The following ARMH3 variants were observed in gnomAD, a reference collection of about 807,000 sequenced individuals.
The protein encoded by ARMH3 is armadillo-like helical domain-containing protein 3.
A neutral mutation model predicts 99.1 loss-of-function variants in ARMH3; 60 were observed. The ratio of observed to expected loss-of-function variants is 0.61; its 90% CI spans 0.49 to 0.75. ARMH3 has a LOEUF of 0.75. Ranked by LOEUF, ARMH3 falls within the 30% of genes least tolerant of loss-of-function variation. ARMH3 has a pLI of 0.00. For synonymous variants in ARMH3, 285 were observed against 292.8 expected (o/e 0.97, Z 0.27); for missense variants, 679 against 843.1 (o/e 0.81, Z 2.41).
chr10:101,921,627 A>G (rs1450581304), intron 23 of ARMH3, among the ~76,000 whole-genome samples: 7 of 152,212 alleles, frequency 4.6e-5, no homozygotes. Context: ...TGGTATATAC[A>G]CATGATGGAA....
At chr10:101,990,119 C>T (rs1846713299) in intron 19 of ARMH3, among the ~76,000 whole-genome samples, 1 of 152,092 alleles carries the variant, frequency 6.6e-6, no homozygotes, top group African/African-American at 2.4e-5. Flanking sequence ...GAAAATGTTC[C>T]CTAACACTTC....
At chr10:101,937,451 G>A (rs930469829) in intron 23 of ARMH3, among the ~76,000 whole-genome samples, 19 of 151,598 alleles carry the variant, frequency 1.3e-4, no homozygotes, top group African/African-American at 3.2e-4. Flanking sequence ...CCTGGGAAGC[G>A]GAGGCTGCAG....
chr10:101,922,544 C>A (rs138068133), intron 23 of ARMH3, among the ~76,000 whole-genome samples: 84 of 152,266 alleles, frequency 5.5e-4, no homozygotes, highest in African/African-American at 1.8e-3. Flanking sequence ...AATACAGCCA[C>A]CGTGCCCAGC....
intron 24 of ARMH3, among the ~76,000 whole-genome samples, chr10:101,874,669 A>T (rs1015972162): frequency 1.3e-5 from 2 of 152,176 alleles, no homozygotes; most frequent in African/African-American, 2.4e-5. Flanking sequence ...ATTACTAAGG[A>T]CACCTAACGA....
At chr10:101,889,058 T>C (rs1041060321) in intron 24 of ARMH3, among the ~76,000 whole-genome samples, 4 of 152,222 alleles carry the variant, frequency 2.6e-5, no homozygotes, top group Admixed American at 1.3e-4. Flanking sequence ...GTTTTTCTAA[T>C]TGGCAGTTTC....
At chr10:101,981,139 C>T (rs1168515629) in intron 19 of ARMH3, among the ~76,000 whole-genome samples, 1 of 151,088 alleles carries the variant, frequency 6.6e-6, no homozygotes, top group Non-Finnish European at 1.5e-5. Flanking sequence ...AACAAACCTG[C>T]ACATTCTGCA....
intron 22 of ARMH3, among the ~76,000 whole-genome samples, chr10:101,941,259 C>A (rs1844228454): frequency 6.6e-6 from 1 of 152,166 alleles, no homozygotes; most frequent in African/African-American, 2.4e-5. Flanking sequence ...ACAGCAATAC[C>A]TATATGAAAG....
chr10:102,029,830 T>G, intron 4 of ARMH3, 85 bp from the exon 5 acceptor site: 1 of 1,251,486 alleles, frequency 8.0e-7, no homozygotes, highest in Non-Finnish European at 1.1e-6. Flanking sequence ...CTTACACAGC[T>G]GACACTGAAT....
intron 23 of ARMH3, among the ~76,000 whole-genome samples, chr10:101,894,061 T>C (rs149135356): frequency 1.3e-5 from 2 of 152,272 alleles, no homozygotes; most frequent in East Asian, 3.9e-4. Flanking sequence ...TGAGAAACTG[T>C]TTAGAAACCT....
intron 23 of ARMH3, among the ~76,000 whole-genome samples, chr10:101,919,812 C>A (rs1031452795): frequency 1.3e-5 from 2 of 152,168 alleles, no homozygotes; most frequent in Non-Finnish European, 2.9e-5. Flanking sequence ...TTCCTTCAAA[C>A]CTTTTACTCT....
intron 19 of ARMH3, among the ~76,000 whole-genome samples, chr10:101,981,067 G>A (rs940385975): frequency 1.3e-5 from 2 of 151,928 alleles, no homozygotes; most frequent in African/African-American, 4.8e-5. Context: ...TGGGGGGTTG[G>A]GGGGTGAGGG....
intron 24 of ARMH3, among the ~76,000 whole-genome samples, chr10:101,877,869 C>G (rs777775042): frequency 1.3e-4 from 20 of 152,082 alleles, no homozygotes; most frequent in Non-Finnish European, 2.2e-4. Flanking sequence ...CTGCCAGTGA[C>G]CTCTGCATTC....
intron 16 of ARMH3, 84 bp from the exon 17 acceptor site, chr10:101,993,687 A>G: frequency 1.1e-6 from 1 of 884,470 alleles, no homozygotes; most frequent in Non-Finnish European, 1.7e-6. Context: ...AAATCCTTGG[A>G]CTTTGAGAAC....
chr10:101,927,044 C>T (rs1364907494), intron 23 of ARMH3, among the ~76,000 whole-genome samples: 1 of 152,128 alleles, frequency 6.6e-6, no homozygotes, highest in Non-Finnish European at 1.5e-5. Context: ...CATTCACTCT[C>T]CCCCTCTCAA....
At chr10:101,913,830 G>A (rs1424639230) in intron 23 of ARMH3, among the ~76,000 whole-genome samples, 1 of 152,196 alleles carries the variant, frequency 6.6e-6, no homozygotes, top group African/African-American at 2.4e-5. Flanking sequence ...GCAAATAATG[G>A]GTGGTAAGCA....
intron 23 of ARMH3, among the ~76,000 whole-genome samples, chr10:101,933,221 T>A (rs766765400): frequency 6.6e-6 from 1 of 152,190 alleles, no homozygotes; most frequent in Non-Finnish European, 1.5e-5. Context: ...GTAAATTTTA[T>A]GTTATGTGTA....
chr10:102,010,700 C>G (rs2066611806), intron 11 of ARMH3, among the ~76,000 whole-genome samples: 1 of 152,174 alleles, frequency 6.6e-6, no homozygotes, highest in Admixed American at 6.5e-5. Flanking sequence ...AACCTATGCT[C>G]CTAGAGCTTC....
At chr10:101,928,133 A>G (rs1015747317) in intron 23 of ARMH3, among the ~76,000 whole-genome samples, 1 of 152,322 alleles carries the variant, frequency 6.6e-6, no homozygotes, top group Admixed American at 6.5e-5. Flanking sequence ...GGAATGTTTA[A>G]TCATTTGCCA....
At chr10:101,947,404 G>A (rs1844582427) in intron 22 of ARMH3, among the ~76,000 whole-genome samples, 1 of 152,106 alleles carries the variant, frequency 6.6e-6, no homozygotes, top group African/African-American at 2.4e-5. Flanking sequence ...GGAGGTTGAG[G>A]CAGGAGGATC....
Sources: allele counts gnomAD v4.1 joint callset (sites outside exome capture counted in the v4.1 genomes callset), GRCh38; gene constraint gnomAD v4.1.1; transcripts MANE v1.5; gene names NCBI Gene and HGNC (gene_info 2026-07-23, HGNC 2026-07-21).